Variants in CYP2U1 observed in about 807,000 individuals in gnomAD.
CYP2U1 encodes the protein cytochrome P450 family 2 subfamily U member 1, also known as cytochrome P450 2U1.
CYP2U1 carries 28 observed loss-of-function variants against 42.8 expected under a neutral mutation model. That is an observed-to-expected ratio of 0.65 (90% confidence interval 0.48 to 0.90). The LOEUF (loss-of-function observed/expected upper bound fraction) is 0.90. Among genes scored for constraint, CYP2U1 ranks in the 40% least tolerant of loss-of-function variants. The pLI is 0.00. For synonymous variants in CYP2U1, 296 were observed against 278.9 expected (o/e 1.06, Z -0.61); for missense variants, 642 against 693.8 (o/e 0.93, Z 0.84).
chr4:107,932,637 C>T (rs1733064272), intron 1 of CYP2U1, among the ~76,000 whole-genome samples: 1 of 152,178 alleles, frequency 6.6e-6, no homozygotes. Context: ...TGGTTCATAG[C>T]CTCTGATTCC....
Position 107,950,325 on chromosome 4 carries a change from T to C in CYP2U1, c.1537T>C (p.Phe513Leu), listed in dbSNP as rs1733866257. 1.2e-6 allele frequency: 2 copies of C among 1,614,126 alleles called. No homozygotes were observed. Among genetic ancestry groups the C allele is most frequent in the East Asian group, 4.5e-5 (2 of 44,874 alleles). ...TGTGAGCCTAATGCAGAGTTTCGCA[T>C]TTGCTTTACCTGAGGATTCTAAGAA... ...MFVSLMQSFAFALPEDSKKPL... is the reference protein window; with the variant it reads ...MFVSLMQSFALALPEDSKKPL... Residue 513 changes from phenylalanine (F) to leucine (L), a missense_variant, in exon 5 of 5, where the codon TTT becomes CTT. Transcript: ENST00000332884.
At chr4:107,935,414 T>G (rs75687993) in intron 1 of CYP2U1, among the ~76,000 whole-genome samples, 4,479 of 152,234 alleles carry the variant, frequency 0.029, 103 homozygotes, top group African/African-American at 0.064. Context: ...TCTGGTATGT[T>G]TTGGGTGAAT....
In CYP2U1 at chr4:107,950,253, G is replaced by A. The variant is rs940928624; in HGVS notation, c.1465G>A (p.Val489Met). The A allele has an allele frequency of 6.2e-7, 1 of 1,603,872 alleles. No homozygotes were observed. Among genetic ancestry groups the A allele is most frequent in the East Asian group, 2.2e-5 (1 of 44,682 alleles). Residue 489 changes from valine (V) to methionine (M), a missense_variant, in exon 5 of 5, where the codon GTG (valine) becomes ATG (methionine). Transcript: ENST00000332884. ...TCTGATCTCATTTTTAGGGAAGCGG[G>A]TGTGTATGGGAGAACAACTGGCAAA... ...TFIPFGIGKRVCMGEQLAKME... is the reference protein window; with the variant it reads ...TFIPFGIGKRMCMGEQLAKME...
At chr4:107,943,175 A>T (rs759028312) in intron 1 of CYP2U1, among the ~76,000 whole-genome samples, 1 of 152,232 alleles carries the variant, frequency 6.6e-6, no homozygotes, top group Non-Finnish European at 1.5e-5. Flanking sequence ...TGATTGACAA[A>T]ACTAAAACAT....
In CYP2U1 at chr4:107,952,842, T is replaced by C. The variant is rs1035669165; in HGVS notation, c.*2419T>C. 6.6e-6 allele frequency: 1 copy of C among 152,224 alleles called. No homozygotes were observed. Among genetic ancestry groups the C allele is most frequent in the Non-Finnish European group, 1.5e-5 (1 of 68,042 alleles). 9.4% of individuals were successfully genotyped at this position (152,224 alleles called of 1,614,324 possible). A position where few individuals can be genotyped will look rare whatever the true frequency, so the allele number is the denominator to read the frequency against. On this transcript the variant is annotated 3_prime_UTR_variant, in exon 5 of 5. Transcript: ENST00000332884. Reference sequence around the variant, plus strand: ...TTGACTCTACATTCTTTATCTACCATACTGCTCTTTTCCTTTTTAGAAATA... The same window carrying C: ...TTGACTCTACATTCTTTATCTACCACACTGCTCTTTTCCTTTTTAGAAATA...
chr4:107,937,813 T>C (rs1444097147), intron 1 of CYP2U1: 1 of 152,126 alleles, frequency 6.6e-6, no homozygotes, highest in Non-Finnish European at 1.5e-5. Context: ...CCCATGTACA[T>C]GTATTTTTAG....
rs766889023 is a variant in CYP2U1 at position 107,931,986 on chromosome 4, G to C, written c.343G>C (p.Gly115Arg). Residue 115 changes from glycine (G) to arginine (R), a missense_variant, in exon 1 of 5, where the codon GGC becomes CGC. Physicochemically the swap from Gly to Arg is moderately radical, Grantham distance 125 (BLOSUM62 -2). Coordinates refer to ENST00000332884, the MANE Select transcript of CYP2U1 (RefSeq NM_183075.3). Reference sequence around the variant, plus strand: ...CCTGGCTCACCTAGCCCGCGTGTACGGCAGCATCTTCAGCTTCTTTATCGG... The same window carrying C: ...CCTGGCTCACCTAGCCCGCGTGTACCGCAGCATCTTCAGCTTCTTTATCGG... ...VLLAHLARVY[G>R]SIFSFFIGHY... The C allele has an allele frequency of 6.4e-6, 10 of 1,553,458 alleles. No individual in the cohort carries two copies. The South Asian group carries it at 1.2e-4, about 18-fold the overall frequency.
intron 1 of CYP2U1, chr4:107,940,029 AC>A (rs960737956): frequency 6.6e-6 from 1 of 150,872 alleles, no homozygotes. Context: ...ATGTTTTCCT[AC>A]CCCTACTCTA....
At chr4:107,940,499 G>T (rs59413629) in intron 1 of CYP2U1, 1 of 151,888 alleles carries the variant, frequency 6.6e-6, no homozygotes, top group Non-Finnish European at 1.5e-5. Flanking sequence ...CATGAAATTC[G>T]AATTTCATGA....
chr4:107,951,396 C>T lies in CYP2U1; in HGVS notation c.*973C>T, dbSNP rs1281413746. The stretch of plus-strand genomic sequence containing the variant: ...GTCCCTGCCACCAGGCCCAATGCAT[C>T]TGATCCTTGAATATACTCTCAAAGA... On this transcript the variant is annotated 3_prime_UTR_variant, in exon 5 of 5. Coordinates refer to ENST00000332884, the MANE Select transcript of CYP2U1 (RefSeq NM_183075.3). 6.6e-6 allele frequency: 1 copy of T among 152,190 alleles called. No homozygotes were observed. Among genetic ancestry groups the T allele is most frequent in the African/African-American group, 2.4e-5 (1 of 41,436 alleles). 9.4% of individuals were successfully genotyped at this position (152,190 alleles called of 1,614,324 possible).
chr4:107,932,290 T>C, intron 1 of CYP2U1, 157 bp downstream of exon 1: 2 of 876,666 alleles, frequency 2.3e-6, no homozygotes, highest in South Asian at 5.2e-5. Context: ...TGGCGGCGCT[T>C]CTCCTTTCTG....
chr4:107,943,881 C>T (rs1329760163), intron 1 of CYP2U1, among the ~76,000 whole-genome samples: 1 of 152,102 alleles, frequency 6.6e-6, no homozygotes, highest in Non-Finnish European at 1.5e-5. Context: ...TGACAGTAAA[C>T]AAGGAATATT....
At chr4:107,948,373 A>G (rs1733783170) in intron 3 of CYP2U1, among the ~76,000 whole-genome samples, 2 of 149,846 alleles carry the variant, frequency 1.3e-5, no homozygotes, top group African/African-American at 4.9e-5. Context: ...AGACCAGCCT[A>G]GCCAACATGG....
At chr4:107,941,157 T>G (rs545066901) in intron 1 of CYP2U1, 1 of 151,970 alleles carries the variant, frequency 6.6e-6, no homozygotes, top group Non-Finnish European at 1.5e-5. Context: ...TTAAAAAATT[T>G]AAAAAACAGG....
At chr4:107,941,351 T>C (rs1379139251) in intron 1 of CYP2U1, 3 of 152,156 alleles carry the variant, frequency 2.0e-5, no homozygotes, top group African/African-American at 7.2e-5. Context: ...AATAGCTTAA[T>C]ATAAGTATCT....
Position 107,950,499 on chromosome 4 carries a change from G to A in CYP2U1, c.*76G>A. 9.1e-6 allele frequency: 13 copies of A among 1,431,622 alleles called. No homozygotes were observed. The South Asian group carries it at 1.8e-4, about 20-fold the overall frequency. 88.7% of individuals were successfully genotyped at this position (1,431,622 alleles called of 1,614,324 possible). A position where few individuals can be genotyped will look rare whatever the true frequency, so the allele number is the denominator to read the frequency against. ...CTAAGCAGATTCTTCCTACTGCAAA[G>A]GACAGTGAATCCAGCAACTCAGTGG... On this transcript the variant is annotated 3_prime_UTR_variant, in exon 5 of 5. Coordinates refer to ENST00000332884, the MANE Select transcript of CYP2U1 (RefSeq NM_183075.3).
chr4:107,931,820 C>A lies in CYP2U1; in HGVS notation c.177C>A (p.Ile59=), dbSNP rs1345892825. 6.6e-7 allele frequency: 1 copy of A among 1,524,352 alleles called. No homozygotes were observed. Among genetic ancestry groups the A allele is most frequent in the Non-Finnish European group, 8.8e-7 (1 of 1,134,964 alleles). The allele number at this position is 1,524,352 out of a possible 1,614,324, so 94.4% of individuals were successfully genotyped here. ...SWLRRRRARG[I]PPGPTPWPLV... Reference sequence around the variant, plus strand: ...TGCGGAGGCGCCGGGCGCGGGGCATCCCGCCCGGGCCCACGCCCTGGCCTC... The same window carrying A: ...TGCGGAGGCGCCGGGCGCGGGGCATACCGCCCGGGCCCACGCCCTGGCCTC... The change falls in exon 1 of 5, where the codon ATC becomes ATA. Residue 59 remains isoleucine, a synonymous_variant. Coordinates refer to ENST00000332884, the MANE Select transcript of CYP2U1 (RefSeq NM_183075.3).
In CYP2U1 at chr4:107,949,347, T is replaced by C. The variant is rs1352813277; in HGVS notation, c.1289-3T>C. ...AACACCCATATGTTTCCTTTTGTTTTAGTGCTCCAAGGGTATACCATTCCT... is the reference window on the plus strand; with the variant it reads ...AACACCCATATGTTTCCTTTTGTTTCAGTGCTCCAAGGGTATACCATTCCT... On this transcript the variant is annotated splice_region_variant and splice_polypyrimidine_tract_variant and intron_variant, in intron 3 of 4. Coordinates refer to ENST00000332884, the MANE Select transcript of CYP2U1 (RefSeq NM_183075.3). The C allele has an allele frequency of 2.0e-6, 3 of 1,500,418 alleles. No individual in the cohort carries two copies. The highest frequency in any genetic ancestry group is 2.7e-6 in the Non-Finnish European group (3 of 1,120,108). 92.9% of individuals were successfully genotyped at this position (1,500,418 alleles called of 1,614,324 possible).
rs773721504 is a variant in CYP2U1, at chr4:107,947,551, C to A, written c.1288+14C>A. 3 of 1,613,436 alleles carry A rather than the reference C, an allele frequency of 1.9e-6. No individual in the cohort carries two copies. Among genetic ancestry groups the A allele is most frequent in the Non-Finnish European group, 2.5e-6 (3 of 1,179,642 alleles). ...CAGAGAACACAGGCAAGTCCAGGGT[C>A]TTCCTCTTTGAATGCCCTTGACGGA... On this transcript the variant is annotated intron_variant, in intron 3 of 4. Transcript: ENST00000332884.
Sources: allele counts gnomAD v4.1 joint callset (sites outside exome capture counted in the v4.1 genomes callset), GRCh38; gene constraint gnomAD v4.1.1; transcripts MANE v1.5; gene names NCBI Gene and HGNC (gene_info 2026-07-23, HGNC 2026-07-21).